The following RAB3C variants were observed in gnomAD, a reference collection of about 807,000 sequenced individuals.
RAB3C encodes the protein ras-related protein Rab-3C.
A neutral mutation model predicts 26.4 loss-of-function variants in RAB3C; 17 were observed. The observed-to-expected ratio is 0.64, with a 90% CI of 0.44 to 0.97. The LOEUF is 0.97. RAB3C is among the 50% of genes least tolerant of loss of function. The pLI, the probability that RAB3C is intolerant of heterozygous loss-of-function variation, is 0.00. For missense variants in RAB3C, 242 were observed against 281.9 expected, an observed-to-expected ratio of 0.86 and a Z score of 1.01; for synonymous variants, 91 against 95.9, an observed-to-expected ratio of 0.95 and a Z score of 0.30.
At chr5:58,839,960 G>A (rs913736613) in intron 4 of RAB3C, among the ~76,000 whole-genome samples, 2 of 149,304 alleles carry the variant, frequency 1.3e-5, no homozygotes, top group Non-Finnish European at 3.0e-5. Context: ...ATTCCCTCCT[G>A]TCCTATAGGG....
chr5:58,605,599 G>A (rs1176776578), intron 1 of RAB3C, among the ~76,000 whole-genome samples: 2 of 152,148 alleles, frequency 1.3e-5, no homozygotes, highest in African/African-American at 4.8e-5. Flanking sequence ...TAGCACTGAA[G>A]TAGAAAAACC....
intron 3 of RAB3C, among the ~76,000 whole-genome samples, chr5:58,818,717 T>C (rs187207411): frequency 6.6e-6 from 1 of 152,326 alleles, no homozygotes; most frequent in East Asian, 1.9e-4. Flanking sequence ...TTCACATGTA[T>C]ACTGTTTGGT....
At chr5:58,721,085 T>G (rs1428891451) in intron 2 of RAB3C, among the ~76,000 whole-genome samples, 1 of 151,844 alleles carries the variant, frequency 6.6e-6, no homozygotes, top group African/African-American at 2.4e-5. Context: ...CCAAAAAAGT[T>G]TTAAGCTACT....
At chr5:58,758,982 A>T (rs1741734426) in intron 3 of RAB3C, among the ~76,000 whole-genome samples, 1 of 152,112 alleles carries the variant, frequency 6.6e-6, no homozygotes, top group Non-Finnish European at 1.5e-5. Context: ...TTTCCAAACC[A>T]GTGACCACCT....
At position 58,711,689 on chromosome 5, in the gene RAB3C, G is replaced by A. The variant is rs142719275; in HGVS notation, c.253-14313G>A. Among the ~76,000 whole-genome samples, 192 of 152,204 alleles carry A rather than the reference G, an allele frequency of 1.3e-3. 2 individuals are homozygous for A. Among genetic ancestry groups the A allele is most frequent in the Admixed American group, 2.1e-3 (32 of 15,280 alleles). ...ATATCATCATTATTTTAGCTAGAAA[G>A]CAAGAACTCAAAGGGGTTTAATTAC... is the stretch of plus-strand genomic sequence containing the variant. On this transcript the variant is annotated intron_variant, in intron 2 of 4. Transcript: ENST00000282878.
chr5:58,682,480 C>G (rs1463360556), intron 2 of RAB3C, among the ~76,000 whole-genome samples: 1 of 151,794 alleles, frequency 6.6e-6, no homozygotes, highest in African/African-American at 2.4e-5. Flanking sequence ...GTCAGGAGAT[C>G]GAGACCACCC....
At chr5:58,601,820 ATTTT>A (rs1746464381) in intron 1 of RAB3C, among the ~76,000 whole-genome samples, 1 of 151,392 alleles carries the variant, frequency 6.6e-6, no homozygotes, top group African/African-American at 2.4e-5. Flanking sequence ...TATCTTTTGT[ATTTT>A]TTGTTTGTTT....
intron 3 of RAB3C, among the ~76,000 whole-genome samples, chr5:58,739,920 AG>A (rs1741241002): frequency 6.6e-6 from 1 of 152,236 alleles, no homozygotes; most frequent in East Asian, 1.9e-4. Flanking sequence ...AGCAATCATT[AG>A]TGGATGGTAG....
intron 4 of RAB3C, among the ~76,000 whole-genome samples, chr5:58,826,854 G>T (rs1334397921): frequency 6.6e-6 from 1 of 152,190 alleles, no homozygotes; most frequent in Non-Finnish European, 1.5e-5. Context: ...GAAAAGCAAA[G>T]TCCCTCTCAT....
At chr5:58,772,917 A>C (rs145354935) in intron 3 of RAB3C, among the ~76,000 whole-genome samples, 11 of 152,302 alleles carry the variant, frequency 7.2e-5, no homozygotes, top group Admixed American at 6.5e-4. Context: ...CCATGAAGCC[A>C]AGGGTGAAAG....
At position 58,823,679 on chromosome 5, in the gene RAB3C, C is replaced by T. The variant is rs1463735766; in HGVS notation, c.372-1359C>T. The T allele has an allele frequency of 4.3e-5, 9 of 207,034 alleles. No individual in the cohort carries two copies. In the East Asian group the frequency reaches 1.0e-3, roughly 23 times the overall value. 12.8% of individuals were successfully genotyped at this position (207,034 alleles called of 1,614,324 possible). A position where few individuals can be genotyped will look rare whatever the true frequency, so the allele number is the denominator to read the frequency against. On this transcript the variant is annotated intron_variant, in intron 3 of 4. Transcript: ENST00000282878. ...ATCAGGTAGCTCAAAAGAAGGGAAG[C>T]TTCCTCAGACCTCAGGAGCAGGCTC...
At chr5:58,650,579 T>C (rs1725799788) in intron 2 of RAB3C, among the ~76,000 whole-genome samples, 1 of 152,338 alleles carries the variant, frequency 6.6e-6, no homozygotes, top group African/African-American at 2.4e-5. Context: ...CTAAACATTA[T>C]CAATAGAGCA....
chr5:58,825,099 T>C lies in RAB3C; in HGVS notation c.433T>C (p.Cys145Arg). Residue 145 changes from cysteine to arginine, a missense_variant, in exon 4 of 5, where the codon TGT (cysteine) becomes CGT (arginine). Cys to Arg is a radical substitution (Grantham distance 180, BLOSUM62 -3). Coordinates refer to ENST00000282878, the MANE Select transcript of RAB3C (RefSeq NM_138453.4). The stretch of plus-strand genomic sequence containing the variant: ...CCAAGTTATTCTGGTTGGGAACAAG[T>C]GTGACATGGAAGACGAGCGGGTCAT... ...NAQVILVGNK[C>R]DMEDERVIST... 1.2e-6 allele frequency: 2 copies of C among 1,613,554 alleles called. No individual in the cohort carries two copies. Among genetic ancestry groups the C allele is most frequent in the Non-Finnish European group, 1.7e-6 (2 of 1,179,620 alleles).
chr5:58,703,188 T>C (rs553389276), intron 2 of RAB3C, among the ~76,000 whole-genome samples: 2 of 152,310 alleles, frequency 1.3e-5, no homozygotes, highest in South Asian at 4.1e-4. Context: ...TTTTTTTGTT[T>C]GTTTTGTTTT....
intron 2 of RAB3C, among the ~76,000 whole-genome samples, chr5:58,715,601 A>G (rs564434478): frequency 6.6e-6 from 1 of 152,120 alleles, no homozygotes; most frequent in African/African-American, 2.4e-5. Flanking sequence ...TGCACAAGTT[A>G]AATTCGAGAT....
chr5:58,619,462 G>A (rs1746888961), intron 2 of RAB3C, among the ~76,000 whole-genome samples: 1 of 152,052 alleles, frequency 6.6e-6, no homozygotes, highest in Non-Finnish European at 1.5e-5. Flanking sequence ...TTTTAAGGAA[G>A]GTTCCTTAAT....
At chr5:58,795,434 C>G (rs890274526) in intron 3 of RAB3C, among the ~76,000 whole-genome samples, 3 of 152,158 alleles carry the variant, frequency 2.0e-5, no homozygotes, top group Non-Finnish European at 4.4e-5. Flanking sequence ...TGGCATTTGT[C>G]CCCTCAGAAC....
Position 58,853,861 on chromosome 5 carries a change from G to A in RAB3C, c.*2510G>A, listed in dbSNP as rs975325696. ...AGAGAAACAGTCACAGAGCTCAAGA[G>A]AAAGAACACTTAAATGCTCCTGCTG... is the stretch of plus-strand genomic sequence containing the variant. On this transcript the variant is annotated 3_prime_UTR_variant, in exon 5 of 5. Transcript: ENST00000282878. 1 of 152,068 alleles carries A rather than the reference G, an allele frequency of 6.6e-6. No individual in the cohort carries two copies. The highest frequency in any genetic ancestry group is 2.4e-5 in the African/African-American group (1 of 41,410). The allele number at this position is 152,068 out of a possible 1,614,324, so 9.4% of individuals were successfully genotyped here.
intron 1 of RAB3C, among the ~76,000 whole-genome samples, chr5:58,590,032 A>G (rs569193063): frequency 1.3e-5 from 2 of 152,370 alleles, no homozygotes; most frequent in East Asian, 1.9e-4. Context: ...AGGCCAGTCC[A>G]GCCAACACAT....
Sources: allele counts gnomAD v4.1 joint callset (sites outside exome capture counted in the v4.1 genomes callset), GRCh38; gene constraint gnomAD v4.1.1; transcripts MANE v1.5; gene names NCBI Gene and HGNC (gene_info 2026-07-23, HGNC 2026-07-21).